Variants in DLD observed in about 807,000 individuals in gnomAD.
DLD encodes dihydrolipoamide dehydrogenase, also known as dihydrolipoyl dehydrogenase, mitochondrial.
Under a neutral mutation model 62.2 loss-of-function variants are expected in DLD, and 36 were observed. That is an observed-to-expected ratio of 0.58 (90% confidence interval 0.44 to 0.76). The LOEUF (loss-of-function observed/expected upper bound fraction) is 0.76, where lower values mean the gene tolerates loss of function less well. DLD is among the 30% of genes least tolerant of loss of function. DLD has a pLI of 0.00. For synonymous variants in DLD, 204 were observed against 199.6 expected, an observed-to-expected ratio of 1.02 and a Z score of -0.19; for missense variants, 541 against 608.6, an observed-to-expected ratio of 0.89 and a Z score of 1.17.
chr7:107,918,887 A>G, intron 12 of DLD, 123 bp from the exon 13 acceptor site: 1 of 831,290 alleles, frequency 1.2e-6, no homozygotes, highest in South Asian at 1.4e-5. Flanking sequence ...ACTTTTCTTC[A>G]ACTGATAAAG....
intron 10 of DLD, 71 bp from the exon 11 acceptor site, chr7:107,917,202 C>A: frequency 6.4e-7 from 1 of 1,571,272 alleles, no homozygotes; most frequent in Non-Finnish European, 8.7e-7. Context: ...ACTTTTGTTA[C>A]CATAATGTAA....
chr7:107,905,568 T>C lies in DLD; in HGVS notation c.582+64T>C. On this transcript the variant is annotated intron_variant, in intron 7 of 13. Transcript: ENST00000205402. ...CTTTAGAAATACGTTTTATAAGTTATTTATGCTATTTGTGAACTTTGAGAG... is the reference window on the plus strand; with the variant it reads ...CTTTAGAAATACGTTTTATAAGTTACTTATGCTATTTGTGAACTTTGAGAG... The C allele has an allele frequency of 3.9e-6, 6 of 1,525,354 alleles. No homozygotes were observed. In the South Asian group the frequency reaches 6.7e-5, roughly 17 times the overall value. The allele number at this position is 1,525,354 out of a possible 1,614,324, so 94.5% of individuals were successfully genotyped here. A position where few individuals can be genotyped will look rare whatever the true frequency, so the allele number is the denominator to read the frequency against.
At chr7:107,911,086 T>C (rs1198695651) in intron 8 of DLD, among the ~76,000 whole-genome samples, 1 of 152,174 alleles carries the variant, frequency 6.6e-6, no homozygotes, top group African/African-American at 2.4e-5. Flanking sequence ...CTGTTACCAT[T>C]GTCTAACTCT....
At chr7:107,903,271 G>A (rs1368289457) in intron 4 of DLD, among the ~76,000 whole-genome samples, 2 of 152,188 alleles carry the variant, frequency 1.3e-5, no homozygotes, top group African/African-American at 4.8e-5. Context: ...GGTGATGCAT[G>A]CCTGTAATCC....
At chr7:107,905,263 GT>G (rs2031975995) in intron 6 of DLD, 97 bp from the exon 7 acceptor site, 10 of 1,304,468 alleles carry the variant, frequency 7.7e-6, no homozygotes, top group Non-Finnish European at 1.1e-5. Flanking sequence ...GAAGCATTTT[GT>G]TTTAGATAAA....
At chr7:107,895,702 C>T (rs2031703565) in intron 2 of DLD, among the ~76,000 whole-genome samples, 1 of 152,138 alleles carries the variant, frequency 6.6e-6, no homozygotes, top group Admixed American at 6.5e-5. Context: ...TAGACTTAAG[C>T]ATAGGGAGTA....
intron 8 of DLD, among the ~76,000 whole-genome samples, chr7:107,914,978 G>C (rs1429678894): frequency 6.6e-6 from 1 of 152,058 alleles, no homozygotes; most frequent in African/African-American, 2.4e-5. Flanking sequence ...CAAGACTTTT[G>C]TACTTGCTGT....
chr7:107,906,427 C>G (rs888013071), intron 8 of DLD, 59 bp downstream of exon 8: 6 of 1,103,050 alleles, frequency 5.4e-6, no homozygotes, highest in Non-Finnish European at 8.4e-6. Flanking sequence ...ACTTAAAGGT[C>G]CCCTTTTTGA....
chr7:107,912,732 A>G (rs1209669655), intron 8 of DLD, among the ~76,000 whole-genome samples: 1 of 151,788 alleles, frequency 6.6e-6, no homozygotes, highest in Non-Finnish European at 1.5e-5. Context: ...GTTTGCAAAT[A>G]TTTTCTTCCT....
chr7:107,894,548 T>A (rs1332733661), intron 2 of DLD, among the ~76,000 whole-genome samples: 2 of 152,204 alleles, frequency 1.3e-5, no homozygotes, highest in Non-Finnish European at 2.9e-5. Flanking sequence ...CTTATACACT[T>A]TGTCTCTTGT....
chr7:107,910,136 T>C (rs755559105), intron 8 of DLD, among the ~76,000 whole-genome samples: 6 of 152,200 alleles, frequency 3.9e-5, no homozygotes, highest in Non-Finnish European at 7.4e-5. Context: ...ATTACAGGCA[T>C]GAGCCACCAC....
intron 1 of DLD, among the ~76,000 whole-genome samples, chr7:107,891,868 C>T (rs1373447156): frequency 6.6e-6 from 1 of 152,184 alleles, no homozygotes; most frequent in Non-Finnish European, 1.5e-5. Context: ...TCTTTAATTG[C>T]AGCAGGTTAT....
chr7:107,897,416 A>G (rs570501003), intron 2 of DLD, among the ~76,000 whole-genome samples: 3 of 152,096 alleles, frequency 2.0e-5, no homozygotes, highest in African/African-American at 7.2e-5. Flanking sequence ...GCCTTATGCA[A>G]ATTATTTAGT....
At chr7:107,893,307 A>G (rs1421011955) in intron 2 of DLD, 29 bp downstream of exon 2, 2 of 1,546,714 alleles carry the variant, frequency 1.3e-6, no homozygotes, top group African/African-American at 1.4e-5. Flanking sequence ...CATTTTTTTC[A>G]TCACATTAGC....
intron 11 of DLD, 120 bp from the exon 12 acceptor site, chr7:107,917,804 T>G: frequency 7.7e-7 from 1 of 1,302,138 alleles, no homozygotes; most frequent in Non-Finnish European, 1.1e-6. Context: ...TTTCCTTCTA[T>G]GTGCTTTGCG....
rs1376346227 is a variant in DLD, at chr7:107,915,561, A to G, written c.740A>G (p.His247Arg). The G allele has an allele frequency of 3.1e-6, 5 of 1,613,922 alleles. No homozygotes were observed. The highest frequency in any genetic ancestry group is 4.5e-5 in the East Asian group (2 of 44,818). Residue 247 changes from histidine (H) to arginine (R), a missense_variant, in exon 9 of 14, where the codon CAT becomes CGT. By Grantham distance (29) the His-to-Arg change is conservative. Coordinates refer to ENST00000205402, the MANE Select transcript of DLD (RefSeq NM_000108.5). ...ADVTAVEFLG[H>R]VGGVGIDMEI... ...GTGACAGCAGTTGAATTTTTAGGTC[A>G]TGTAGGTGGAGTTGGAATTGATATG...
intron 8 of DLD, among the ~76,000 whole-genome samples, chr7:107,907,644 GAGACTTGGT>G (rs2116230905): frequency 6.6e-6 from 1 of 152,248 alleles, no homozygotes; most frequent in Admixed American, 6.5e-5. Context: ...TGCCTTTTCA[GAGACTTGGT>G]TTTGTGATTT....
intron 8 of DLD, among the ~76,000 whole-genome samples, chr7:107,908,954 G>C (rs1401801924): frequency 6.6e-6 from 1 of 152,142 alleles, no homozygotes; most frequent in Non-Finnish European, 1.5e-5. Flanking sequence ...CAGCAGGTCT[G>C]TTATTTTGTC....
At chr7:107,918,631 T>A (rs999557492) in intron 12 of DLD, among the ~76,000 whole-genome samples, 2 of 152,220 alleles carry the variant, frequency 1.3e-5, no homozygotes, top group African/African-American at 4.8e-5. Context: ...CTTGTAGATA[T>A]CTCTTGTATC....
Sources: gnomAD v4.1 joint callset for allele counts (sites outside exome capture counted in the v4.1 genomes callset) on GRCh38, gnomAD v4.1.1 for gene constraint, MANE v1.5 for transcripts, NCBI Gene and HGNC (gene_info 2026-07-23, HGNC 2026-07-21) for gene names.